MEI4: variants seen among roughly 807,000 people sequenced by gnomAD.
The protein encoded by MEI4 is meiosis-specific protein MEI4.
MEI4 carries 27 observed loss-of-function variants against 31.4 expected under a neutral mutation model. The observed-to-expected ratio is 0.86, with a 90% CI of 0.63 to 1.19. The LOEUF (loss-of-function observed/expected upper bound fraction) is 1.19. Ranked by LOEUF, MEI4 falls within the 50% of genes most tolerant of loss-of-function variation. MEI4 has a pLI of 0.00. For synonymous variants in MEI4, 122 were observed against 145.4 expected (o/e 0.84, Z 1.16); for missense variants, 329 against 398.9 (o/e 0.82, Z 1.49).
chr6:77,658,856 T>C (rs1400965413), intron 1 of MEI4, among the ~76,000 whole-genome samples: 1 of 152,182 alleles, frequency 6.6e-6, no homozygotes, highest in Non-Finnish European at 1.5e-5. Context: ...GCATAATTAC[T>C]TGCTTGGTTG....
At chr6:77,866,798 A>G (rs986893906) in intron 4 of MEI4, among the ~76,000 whole-genome samples, 2 of 152,250 alleles carry the variant, frequency 1.3e-5, no homozygotes, top group Non-Finnish European at 1.5e-5. Flanking sequence ...AGCTGGAGGC[A>G]TCACGCTACC....
intron 3 of MEI4, among the ~76,000 whole-genome samples, chr6:77,778,706 CAAATAAAT>C (rs71546067): frequency 0.17 from 24,820 of 145,658 alleles, 2,606 homozygotes; most frequent in Non-Finnish European, 0.22. Flanking sequence ...GACCCTGTCT[CAAATAAAT>C]AAATAAATAA....
At chr6:77,829,330 C>G (rs185976679) in intron 4 of MEI4, among the ~76,000 whole-genome samples, 3 of 152,264 alleles carry the variant, frequency 2.0e-5, no homozygotes, top group Admixed American at 2.0e-4. Flanking sequence ...CTTAGATGAA[C>G]AGCTTTAAAT....
chr6:77,762,222 T>C lies in MEI4; in HGVS notation c.768+557T>C, dbSNP rs74441613. 1.7e-3 allele frequency among the ~76,000 whole-genome samples: 264 copies of C among 152,298 alleles called. 2 individuals carry two copies. The highest frequency in any genetic ancestry group is 5.7e-3 in the African/African-American group (239 of 41,584). ...GCAGATGTAGGTGAATTGAATAAAT[T>C]GGCTAAGGAGCACATAATATAAAGC... On this transcript the variant is annotated intron_variant, in intron 3 of 4. Coordinates refer to ENST00000684080, the MANE Select transcript of MEI4 (RefSeq NM_001322247.2).
intron 4 of MEI4, among the ~76,000 whole-genome samples, chr6:77,835,400 A>G (rs960402993): frequency 3.3e-4 from 43 of 131,206 alleles, no homozygotes; most frequent in Middle Eastern, 7.4e-3. Context: ...ACACACACAC[A>G]CACAAATAAA....
intron 2 of MEI4, among the ~76,000 whole-genome samples, chr6:77,711,880 T>C (rs1766474125): frequency 6.6e-6 from 1 of 152,298 alleles, no homozygotes; most frequent in South Asian, 2.1e-4. Flanking sequence ...TACTGAACAT[T>C]TGGGGTATAC....
chr6:77,877,657 C>T (rs200517768), intron 4 of MEI4, among the ~76,000 whole-genome samples: 1 of 150,706 alleles, frequency 6.6e-6, no homozygotes, highest in East Asian at 1.9e-4. Context: ...GTCTCTCTCC[C>T]TAATAGTTTT....
At chr6:77,783,952 T>C (rs558914937) in intron 3 of MEI4, among the ~76,000 whole-genome samples, 4 of 144,620 alleles carry the variant, frequency 2.8e-5, no homozygotes, top group Admixed American at 2.1e-4. Context: ...ATAGCAATTA[T>C]AGCAATCTAA....
intron 2 of MEI4, among the ~76,000 whole-genome samples, chr6:77,739,371 C>T (rs11754067): frequency 0.14 from 20,950 of 152,082 alleles, 1,526 homozygotes; most frequent in Middle Eastern, 0.21. Context: ...GGCACATACA[C>T]ACCATGGAAT....
intron 4 of MEI4, among the ~76,000 whole-genome samples, chr6:77,869,630 A>G (rs576189658): frequency 6.6e-6 from 1 of 152,210 alleles, no homozygotes; most frequent in South Asian, 2.1e-4. Flanking sequence ...GAAAATAAGT[A>G]TCTGTTGTTT....
intron 4 of MEI4, among the ~76,000 whole-genome samples, chr6:77,860,143 T>C (rs1469204774): frequency 6.6e-6 from 1 of 152,214 alleles, no homozygotes; most frequent in Non-Finnish European, 1.5e-5. Context: ...TGCAGATGAC[T>C]AGACTGAGAC....
At chr6:77,740,466 A>G (rs1219177711) in intron 2 of MEI4, among the ~76,000 whole-genome samples, 2 of 152,164 alleles carry the variant, frequency 1.3e-5, no homozygotes, top group African/African-American at 4.8e-5. Context: ...CCATTTCTCA[A>G]AAATGCTTTG....
chr6:77,893,298 G>A (rs1176486063), intron 4 of MEI4, among the ~76,000 whole-genome samples: 1 of 152,116 alleles, frequency 6.6e-6, no homozygotes, highest in African/African-American at 2.4e-5. Context: ...TGCATCCTAA[G>A]TTATTCTCCC....
intron 1 of MEI4, among the ~76,000 whole-genome samples, chr6:77,671,969 G>A (rs1477974818): frequency 1.3e-5 from 2 of 152,128 alleles, no homozygotes; most frequent in African/African-American, 2.4e-5. Flanking sequence ...AGATTACTGG[G>A]CGTGTAGGGA....
Position 77,924,464 on chromosome 6 carries a change from C to CAGAT in MEI4, c.*1124_*1127dup, listed in dbSNP as rs111648808. ...ATGTCAGTCAGCTTTTGTTATGTGA[C>CAGAT]AGATAGATAATCAATCACAAAATAT... On this transcript the variant is annotated 3_prime_UTR_variant, in exon 5 of 5. Coordinates refer to ENST00000684080, the MANE Select transcript of MEI4 (RefSeq NM_001322247.2). 17 of 151,868 alleles carry CAGAT rather than the reference C, an allele frequency of 1.1e-4. No homozygotes were observed. Among genetic ancestry groups the CAGAT allele is most frequent in the South Asian group, 4.1e-4 (2 of 4,826 alleles). 9.4% of individuals were successfully genotyped at this position (151,868 alleles called of 1,614,324 possible).
intron 2 of MEI4, among the ~76,000 whole-genome samples, chr6:77,706,867 C>T (rs899039933): frequency 1.3e-5 from 2 of 152,170 alleles, no homozygotes; most frequent in Admixed American, 6.5e-5. Flanking sequence ...CAAGCGGATG[C>T]TGCCACCATG....
intron 4 of MEI4, among the ~76,000 whole-genome samples, chr6:77,903,053 T>C (rs1433380008): frequency 6.6e-6 from 1 of 152,172 alleles, no homozygotes; most frequent in Non-Finnish European, 1.5e-5. Context: ...CGATGGAGTC[T>C]TCAGGGTTTT....
chr6:77,833,655 CAT>C (rs1770135388), intron 4 of MEI4, among the ~76,000 whole-genome samples: 1 of 152,118 alleles, frequency 6.6e-6, no homozygotes, highest in Non-Finnish European at 1.5e-5. Context: ...TTCTGGGACA[CAT>C]GTGCTGAACA....
intron 1 of MEI4, among the ~76,000 whole-genome samples, chr6:77,682,601 A>G (rs1459427313): frequency 6.6e-6 from 1 of 152,174 alleles, no homozygotes; most frequent in Non-Finnish European, 1.5e-5. Context: ...GTAATTGACC[A>G]AGGCTTACTG....
Sources: gnomAD v4.1 joint callset for allele counts (sites outside exome capture counted in the v4.1 genomes callset) on GRCh38, gnomAD v4.1.1 for gene constraint, MANE v1.5 for transcripts, NCBI Gene and HGNC (gene_info 2026-07-23, HGNC 2026-07-21) for gene names.